The following IPMK variants were observed in gnomAD, a reference collection of about 807,000 sequenced individuals.
IPMK encodes inositol 1,3,4,6-tetrakisphosphate 5-kinase.
IPMK carries 17 observed loss-of-function variants against 45.8 expected under a neutral mutation model. The ratio of observed to expected loss-of-function variants is 0.37; its 90% CI spans 0.25 to 0.56. The LOEUF (loss-of-function observed/expected upper bound fraction) is 0.56, where lower values mean the gene tolerates loss of function less well. IPMK is among the 20% of genes least tolerant of loss of function. IPMK has a pLI of 0.79. For missense variants in IPMK, 399 were observed against 498.0 expected, an observed-to-expected ratio of 0.80 and a Z score of 1.89; for synonymous variants, 180 against 184.3, an observed-to-expected ratio of 0.98 and a Z score of 0.19.
intron 1 of IPMK, among the ~76,000 whole-genome samples, chr10:58,257,426 C>T (rs376434997): frequency 2.6e-5 from 4 of 152,218 alleles, no homozygotes; most frequent in African/African-American, 9.6e-5. Flanking sequence ...ACTTGGGGGG[C>T]AGAGGTTGCA....
intron 4 of IPMK, among the ~76,000 whole-genome samples, chr10:58,204,518 G>A (rs1042106504): frequency 1.3e-5 from 2 of 152,292 alleles, no homozygotes; most frequent in South Asian, 4.1e-4. Flanking sequence ...CTGAGGCCAG[G>A]TGCAGTGGCT....
At chr10:58,197,300 A>AAAATAAATAAATAAATAAAT (rs200761885) in intron 5 of IPMK, among the ~76,000 whole-genome samples, 1 of 83,316 alleles carries the variant, frequency 1.2e-5, no homozygotes, top group African/African-American at 9.4e-5. Context: ...CTCCGTCTCA[A>AAAATAAATAAATAAATAAAT]AAATAAATAA....
intron 3 of IPMK, 124 bp from the exon 4 acceptor site, chr10:58,216,441 A>C: frequency 4.3e-6 from 2 of 464,232 alleles, no homozygotes; most frequent in Non-Finnish European, 7.3e-6. Context: ...ATGTAAAGTC[A>C]ATAATTATTC....
intron 3 of IPMK, among the ~76,000 whole-genome samples, chr10:58,222,553 A>G (rs144963091): frequency 1.3e-5 from 2 of 152,356 alleles, no homozygotes; most frequent in Non-Finnish European, 2.9e-5. Flanking sequence ...TGGTACTTGT[A>G]TAATAAATAA....
chr10:58,236,055 A>C (rs558822065), intron 2 of IPMK, among the ~76,000 whole-genome samples: 2 of 151,936 alleles, frequency 1.3e-5, no homozygotes, highest in African/African-American at 4.8e-5. Flanking sequence ...CAGTCTCCCA[A>C]GTAGCTGGGA....
intron 2 of IPMK, among the ~76,000 whole-genome samples, chr10:58,233,202 C>T (rs1838552559): frequency 1.3e-5 from 2 of 152,088 alleles, no homozygotes; most frequent in Non-Finnish European, 2.9e-5. Context: ...CAAAAAAAGT[C>T]CAGGACCAGA....
chr10:58,218,687 A>C (rs1838285142), intron 3 of IPMK, among the ~76,000 whole-genome samples: 2 of 152,286 alleles, frequency 1.3e-5, no homozygotes, highest in East Asian at 3.9e-4. Context: ...TCTATATCTC[A>C]CTGTAGGGTT....
chr10:58,243,933 G>A (rs1201169859), intron 1 of IPMK, among the ~76,000 whole-genome samples: 1 of 148,332 alleles, frequency 6.7e-6, no homozygotes, highest in African/African-American at 2.5e-5. Flanking sequence ...GAGCGTCTCT[G>A]CCCGACCGCC....
chr10:58,245,433 G>A (rs1730494320), intron 1 of IPMK, among the ~76,000 whole-genome samples: 1 of 151,802 alleles, frequency 6.6e-6, no homozygotes, highest in Admixed American at 6.6e-5. Flanking sequence ...CCATCATAGT[G>A]GAACCCCGTC....
At chr10:58,265,247 ACTC>A (rs1839132525) in intron 1 of IPMK, among the ~76,000 whole-genome samples, 1 of 152,034 alleles carries the variant, frequency 6.6e-6, no homozygotes, top group African/African-American at 2.4e-5. Flanking sequence ...AAAGCCAACA[ACTC>A]CTTTTTGGAA....
chr10:58,246,678 C>T (rs372148675), intron 1 of IPMK, among the ~76,000 whole-genome samples: 4 of 150,586 alleles, frequency 2.7e-5, no homozygotes, highest in East Asian at 1.9e-4. Context: ...GACTTAAACG[C>T]TAGACCTAAA....
rs1297556098 is a variant in IPMK at position 58,193,022 on chromosome 10, G to C, written c.*3054C>G. 2.0e-5 allele frequency: 3 copies of C among 151,906 alleles called. No individual in the cohort carries two copies. The highest frequency in any genetic ancestry group is 1.5e-5 in the Non-Finnish European group (1 of 67,836). The allele number at this position is 151,906 out of a possible 1,614,324, so 9.4% of individuals were successfully genotyped here. A position where few individuals can be genotyped will look rare whatever the true frequency, so the allele number is the denominator to read the frequency against. On this transcript the variant is annotated 3_prime_UTR_variant, in exon 6 of 6. Transcript: ENST00000373935. The stretch of plus-strand genomic sequence containing the variant: ...AAAATGACAATGCTTTACCATAGTG[G>C]ACACAATTCCTGTAATTTCATAAAC...
At chr10:58,246,893 G>A (rs1197976242) in intron 1 of IPMK, among the ~76,000 whole-genome samples, 5 of 151,030 alleles carry the variant, frequency 3.3e-5, no homozygotes, top group African/African-American at 4.9e-5. Context: ...GAAAATTTTC[G>A]CAACCTACTC....
intron 5 of IPMK, among the ~76,000 whole-genome samples, chr10:58,197,326 A>AATAAATACATAC (rs764500371): frequency 1.0e-4 from 15 of 146,510 alleles, no homozygotes; most frequent in Non-Finnish European, 1.8e-4. Context: ...TAAATAAATA[A>AATAAATACATAC]ATACATAAAT....
intron 2 of IPMK, 44 bp downstream of exon 2, chr10:58,237,685 G>C: frequency 6.8e-7 from 1 of 1,461,340 alleles, no homozygotes; most frequent in Non-Finnish European, 9.6e-7. Context: ...AGAAAACTCT[G>C]AAAAACACTT....
intron 4 of IPMK, among the ~76,000 whole-genome samples, chr10:58,199,769 T>G (rs1630731): frequency 0.34 from 51,522 of 151,982 alleles, 10,989 homozygotes; most frequent in African/African-American, 0.61. Flanking sequence ...AAGGTGGAGA[T>G]AAAGTTAATA....
chr10:58,231,253 T>C lies in IPMK; in HGVS notation c.277-4114A>G, dbSNP rs552850178. Among the ~76,000 whole-genome samples the C allele has an allele frequency of 2.6e-5, 4 of 152,292 alleles. No individual in the cohort carries two copies. In the South Asian group the frequency reaches 8.3e-4, roughly 32 times the overall value. On this transcript the variant is annotated intron_variant, in intron 2 of 5. Transcript: ENST00000373935. ...AATGGAACCAAGTTAGAAAACACTCTTCAGGATATTATCCAGGAGAACTTC... is the reference window on the plus strand; with the variant it reads ...AATGGAACCAAGTTAGAAAACACTCCTCAGGATATTATCCAGGAGAACTTC...
intron 1 of IPMK, among the ~76,000 whole-genome samples, chr10:58,251,298 T>C (rs1275957356): frequency 6.6e-6 from 1 of 152,202 alleles, no homozygotes; most frequent in Non-Finnish European, 1.5e-5. Flanking sequence ...TTTGTACCAT[T>C]TCCATCATTC....
intron 4 of IPMK, among the ~76,000 whole-genome samples, chr10:58,215,531 C>G (rs144170090): frequency 0.011 from 1,601 of 152,002 alleles, 27 homozygotes; most frequent in African/African-American, 0.037. Flanking sequence ...ACCTCAGCCT[C>G]CCGAGTAGCT....
Sources: allele counts gnomAD v4.1 joint callset (sites outside exome capture counted in the v4.1 genomes callset), GRCh38; gene constraint gnomAD v4.1.1; transcripts MANE v1.5; gene names NCBI Gene and HGNC (gene_info 2026-07-23, HGNC 2026-07-21).